GAS7: variants seen among roughly 807,000 people sequenced by gnomAD.
The protein encoded by GAS7 is growth arrest specific 7.
In GAS7, 28 loss-of-function variants were observed where a neutral mutation model predicts 71.1. That is an observed-to-expected ratio of 0.39 (90% CI 0.29 to 0.54). GAS7 has a LOEUF of 0.54. Ranked by LOEUF, GAS7 falls within the 20% of genes least tolerant of loss-of-function variation. The pLI is 0.62. For missense variants in GAS7, 436 were observed against 627.8 expected, an observed-to-expected ratio of 0.69 and a Z score of 3.27; for synonymous variants, 258 against 245.8, an observed-to-expected ratio of 1.05 and a Z score of -0.46.
At chr17:10,018,666 G>A (rs903666838) in intron 2 of GAS7, among the ~76,000 whole-genome samples, 3 of 152,134 alleles carry the variant, frequency 2.0e-5, no homozygotes, top group Non-Finnish European at 2.9e-5. Context: ...CAGGGGATAC[G>A]AATAAACCAG....
rs1398734131 is a variant in GAS7 at position 9,913,873 on chromosome 17, C to G, written c.*3355G>C. On this transcript the variant is annotated 3_prime_UTR_variant, in exon 14 of 14. Transcript: ENST00000432992. ...TTAAATCAGGCTTTCACAAACAGAT[C>G]TTGTGCATCAGTCTCCTGGGTGGAG... 1 of 231,522 alleles carries G rather than the reference C, an allele frequency of 4.3e-6. No homozygotes were observed. Among genetic ancestry groups the G allele is most frequent in the Admixed American group, 5.6e-5 (1 of 17,710 alleles). The allele number at this position is 231,522 out of a possible 1,614,324, so 14.3% of individuals were successfully genotyped here.
intron 1 of GAS7, among the ~76,000 whole-genome samples, chr17:10,056,742 GTCTCCCTCCCCACGA>G (rs540653290): frequency 3.1e-4 from 47 of 151,378 alleles, no homozygotes; most frequent in East Asian, 1.8e-3. Flanking sequence ...TCCCTCTCCC[GTCTCCCTCCCCACGA>G]TCTCCCTCCC....
chr17:9,931,314 G>C (rs1189088090), intron 9 of GAS7, among the ~76,000 whole-genome samples: 1 of 152,188 alleles, frequency 6.6e-6, no homozygotes, highest in Non-Finnish European at 1.5e-5. Context: ...CACCACTTAT[G>C]TCACCACTAC....
At chr17:10,157,941 G>A (rs2074217225) in intron 1 of GAS7, among the ~76,000 whole-genome samples, 1 of 152,184 alleles carries the variant, frequency 6.6e-6, no homozygotes, top group Non-Finnish European at 1.5e-5. Flanking sequence ...CCAGGAGATT[G>A]AGGTTCCAGT....
chr17:9,950,758 A>G (rs912992103), intron 5 of GAS7, among the ~76,000 whole-genome samples: 1 of 152,014 alleles, frequency 6.6e-6, no homozygotes, highest in African/African-American at 2.4e-5. Flanking sequence ...CGAGAGGCTG[A>G]GGCAGGAGAA....
At chr17:10,027,065 T>C (rs2072482031) in intron 1 of GAS7, 2 of 152,144 alleles carry the variant, frequency 1.3e-5, no homozygotes, top group Non-Finnish European at 1.5e-5. Context: ...AGAGTCTTCA[T>C]TTTCTTCTAA....
At chr17:10,121,996 C>T (rs754103747) in intron 1 of GAS7, among the ~76,000 whole-genome samples, 11 of 152,184 alleles carry the variant, frequency 7.2e-5, no homozygotes, top group Non-Finnish European at 1.3e-4. Context: ...TCGCCTCCAA[C>T]AAAGGCACTG....
At chr17:10,188,073 T>C (rs755367177) in intron 1 of GAS7, among the ~76,000 whole-genome samples, 1 of 152,068 alleles carries the variant, frequency 6.6e-6, no homozygotes, top group Non-Finnish European at 1.5e-5. Flanking sequence ...GTGAAACCCA[T>C]CTCCACTAAA....
intron 1 of GAS7, among the ~76,000 whole-genome samples, chr17:10,170,731 G>A (rs1333963011): frequency 1.3e-5 from 2 of 152,168 alleles, no homozygotes; most frequent in East Asian, 1.9e-4. Context: ...CCCTGCACAC[G>A]GCTGGCACTG....
chr17:10,081,360 T>C (rs2073454975), intron 1 of GAS7, among the ~76,000 whole-genome samples: 1 of 152,202 alleles, frequency 6.6e-6, no homozygotes, highest in African/African-American at 2.4e-5. Context: ...TTCACCATGT[T>C]GGTCAGGCTG....
chr17:9,922,196 AGAT>A (rs35613552), intron 11 of GAS7, among the ~76,000 whole-genome samples: 18,127 of 100,248 alleles, frequency 0.18, 1,143 homozygotes, highest in Non-Finnish European at 0.22. Context: ...GTGGTGATGA[AGAT>A]GATGATGATG....
intron 7 of GAS7, among the ~76,000 whole-genome samples, chr17:9,942,570 G>T (rs563333180): frequency 6.6e-6 from 1 of 150,990 alleles, no homozygotes; most frequent in Non-Finnish European, 1.5e-5. Context: ...GCAGGGATGG[G>T]GTAGGAGGAG....
intron 1 of GAS7, among the ~76,000 whole-genome samples, chr17:10,057,215 G>C (rs2073152548): frequency 6.6e-6 from 1 of 152,018 alleles, no homozygotes; most frequent in Non-Finnish European, 1.5e-5. Context: ...CTGGCCGCCA[G>C]CCCGTCTAGG....
At position 10,080,552 on chromosome 17, in the gene GAS7, G is replaced by A. The variant is rs376916834; in HGVS notation, c.184-60655C>T. Among the ~76,000 whole-genome samples the A allele has an allele frequency of 1.9e-3, 282 of 152,188 alleles. 3 individuals carry two copies. Among genetic ancestry groups the A allele is most frequent in the African/African-American group, 6.7e-3 (279 of 41,512 alleles). On this transcript the variant is annotated intron_variant, in intron 1 of 13. Coordinates refer to ENST00000432992, the MANE Select transcript of GAS7 (RefSeq NM_201433.2). ...TCTTTCTTGCATAAGATCCAAGAACGCTGTCTTGGGGTCTGGTTCAGGACC... is the reference window on the plus strand; with the variant it reads ...TCTTTCTTGCATAAGATCCAAGAACACTGTCTTGGGGTCTGGTTCAGGACC...
chr17:10,172,822 T>C (rs2074345178), intron 1 of GAS7, among the ~76,000 whole-genome samples: 1 of 152,180 alleles, frequency 6.6e-6, no homozygotes. Flanking sequence ...CAGTAACCCA[T>C]GCAGTCTCAA....
chr17:10,100,655 C>A (rs1031381739), intron 1 of GAS7, among the ~76,000 whole-genome samples: 3 of 152,160 alleles, frequency 2.0e-5, no homozygotes, highest in Non-Finnish European at 4.4e-5. Flanking sequence ...CCCAACCCCC[C>A]CATCCAGGCT....
chr17:10,135,109 G>A (rs1002795731), intron 1 of GAS7, among the ~76,000 whole-genome samples: 1 of 152,160 alleles, frequency 6.6e-6, no homozygotes, highest in Admixed American at 6.5e-5. Context: ...AGGATTACAG[G>A]TGTGAGCCAA....
chr17:10,041,003 A>C (rs2072853164), intron 1 of GAS7, among the ~76,000 whole-genome samples: 1 of 152,032 alleles, frequency 6.6e-6, no homozygotes, highest in Non-Finnish European at 1.5e-5. Context: ...CTCTACTAAA[A>C]ATACAAAAAT....
At chr17:10,068,944 C>T (rs567975796) in intron 1 of GAS7, among the ~76,000 whole-genome samples, 1 of 152,300 alleles carries the variant, frequency 6.6e-6, no homozygotes, top group South Asian at 2.1e-4. Flanking sequence ...GTGTAAAACA[C>T]TGTCTAGCAG....
Sources: gnomAD v4.1 joint callset for allele counts (sites outside exome capture counted in the v4.1 genomes callset) on GRCh38, gnomAD v4.1.1 for gene constraint, MANE v1.5 for transcripts, NCBI Gene and HGNC (gene_info 2026-07-23, HGNC 2026-07-21) for gene names.